CHRM5: variants seen among roughly 807,000 people sequenced by gnomAD.
CHRM5 encodes the protein cholinergic receptor muscarinic 5, also known as muscarinic acetylcholine receptor M5.
A neutral mutation model predicts 39.0 loss-of-function variants in CHRM5; 18 were observed. The ratio of observed to expected loss-of-function variants is 0.46; its 90% CI spans 0.32 to 0.68. CHRM5 has a LOEUF of 0.68. Ranked by LOEUF, CHRM5 falls within the 30% of genes least tolerant of loss-of-function variation. The pLI, the probability that CHRM5 is intolerant of heterozygous loss-of-function variation, is 0.04. For synonymous variants in CHRM5, 241 were observed against 246.3 expected (o/e 0.98, Z 0.20); for missense variants, 515 against 651.1 (o/e 0.79, Z 2.28).
chr15:34,000,347 A>T (rs1054558395), intron 1 of CHRM5, among the ~76,000 whole-genome samples: 10 of 152,224 alleles, frequency 6.6e-5, no homozygotes, highest in Non-Finnish European at 1.2e-4. Context: ...AATAGCTGGA[A>T]CAATGGGTAC....
intron 1 of CHRM5, among the ~76,000 whole-genome samples, chr15:34,002,664 T>C (rs1187428950): frequency 6.6e-6 from 1 of 152,206 alleles, no homozygotes; most frequent in Non-Finnish European, 1.5e-5. Context: ...AGAGAACATA[T>C]ATTCTAGAAA....
At chr15:34,030,193 G>A (rs927817341) in intron 1 of CHRM5, among the ~76,000 whole-genome samples, 1 of 152,090 alleles carries the variant, frequency 6.6e-6, no homozygotes. Context: ...GGCAGAGGTT[G>A]CAGGGAGCTG....
In CHRM5 at chr15:34,014,208, T is replaced by C. The variant is rs1897764222; in HGVS notation, c.-407-32332T>C. Among the ~76,000 whole-genome samples the C allele has an allele frequency of 2.6e-5, 4 of 150,992 alleles. No homozygotes were observed. The South Asian group carries it at 6.3e-4, about 24-fold the overall frequency. ...CAAAACCCCATCTCTACTAAAAATA[T>C]GAAAAATTAGCCAGGCGTGGTGGCA... On this transcript the variant is annotated intron_variant, in intron 1 of 2. Transcript: ENST00000383263.
At chr15:34,008,483 CTTTTTT>C (rs200355232) in intron 1 of CHRM5, among the ~76,000 whole-genome samples, 1 of 119,232 alleles carries the variant, frequency 8.4e-6, no homozygotes, top group African/African-American at 4.4e-5. Context: ...GATGAAAAAC[CTTTTTT>C]TTTTTTTTTT....
intron 1 of CHRM5, among the ~76,000 whole-genome samples, chr15:33,989,879 T>C (rs1350541859): frequency 1.3e-5 from 2 of 150,282 alleles, no homozygotes; most frequent in Admixed American, 6.7e-5. Context: ...CAATAGCAAT[T>C]GAGACGGATA....
At chr15:33,995,107 G>T (rs2140587123) in intron 1 of CHRM5, among the ~76,000 whole-genome samples, 1 of 152,164 alleles carries the variant, frequency 6.6e-6, no homozygotes, top group Middle Eastern at 3.4e-3. Context: ...ACAAAAAAAT[G>T]AAGAAATCAG....
At chr15:34,051,541 A>G (rs564438211) in intron 2 of CHRM5, among the ~76,000 whole-genome samples, 1 of 152,288 alleles carries the variant, frequency 6.6e-6, no homozygotes, top group East Asian at 1.9e-4. Flanking sequence ...TCAAAAATCA[A>G]CAAATCTAGG....
chr15:34,045,100 G>T (rs1292125811), intron 1 of CHRM5, among the ~76,000 whole-genome samples: 1 of 152,100 alleles, frequency 6.6e-6, no homozygotes, highest in Non-Finnish European at 1.5e-5. Flanking sequence ...CTCAGTAACA[G>T]ACCTCTCTGT....
intron 2 of CHRM5, among the ~76,000 whole-genome samples, chr15:34,061,063 T>A (rs566949640): frequency 4.6e-5 from 7 of 151,052 alleles, no homozygotes; most frequent in Non-Finnish European, 7.4e-5. Context: ...CCCATTATCA[T>A]GTCAAGGTGG....
At chr15:34,017,887 C>T (rs1464715137) in intron 1 of CHRM5, among the ~76,000 whole-genome samples, 1 of 152,130 alleles carries the variant, frequency 6.6e-6, no homozygotes, top group Non-Finnish European at 1.5e-5. Context: ...ACAGTGGTCC[C>T]ATAAGGTTAT....
At chr15:34,017,134 GA>G (rs71415543) in intron 1 of CHRM5, among the ~76,000 whole-genome samples, 8 of 130,918 alleles carry the variant, frequency 6.1e-5, no homozygotes, top group Non-Finnish European at 1.3e-4. Flanking sequence ...TCTCAAGGGG[GA>G]AAAAAAAAGG....
intron 1 of CHRM5, among the ~76,000 whole-genome samples, chr15:33,973,672 T>C (rs1895736793): frequency 6.6e-6 from 1 of 152,094 alleles, no homozygotes; most frequent in Non-Finnish European, 1.5e-5. Context: ...CAAGACTCCA[T>C]CTCTATAAAA....
chr15:34,032,382 T>A (rs530397657), intron 1 of CHRM5, among the ~76,000 whole-genome samples: 44 of 152,316 alleles, frequency 2.9e-4, no homozygotes, highest in African/African-American at 1.0e-3. Context: ...TAGTACCTAC[T>A]CTTCCAGAAA....
chr15:34,009,100 C>T (rs1026178332), intron 1 of CHRM5, among the ~76,000 whole-genome samples: 4 of 151,958 alleles, frequency 2.6e-5, no homozygotes, highest in Non-Finnish European at 5.9e-5. Context: ...AATAATATAA[C>T]ATATTCAAAG....
intron 1 of CHRM5, among the ~76,000 whole-genome samples, chr15:34,010,365 C>A (rs525591): frequency 0.63 from 95,342 of 152,060 alleles, 35,082 homozygotes; most frequent in Non-Finnish European, 0.82. Flanking sequence ...AGAATACTTA[C>A]AGATTATCTC....
chr15:34,063,822 C>A lies in CHRM5; in HGVS notation c.1105C>A (p.His369Asn). 1 of 1,614,168 alleles carries A rather than the reference C, an allele frequency of 6.2e-7. No homozygotes were observed. The highest frequency in any genetic ancestry group is 1.1e-5 in the South Asian group (1 of 91,078). Residue 369 changes from histidine (H) to asparagine (N), a missense_variant, in exon 3 of 3, where the codon CAT becomes AAT. Physicochemically the swap from His to Asn is moderately conservative, Grantham distance 68. Coordinates refer to ENST00000383263, the MANE Select transcript of CHRM5 (RefSeq NM_012125.4). This position sits in a 1 kb window ranked among gnomAD's most constrained non-coding sequence, Gnocchi z 4.1. ...CTACCTTCTGTCTCCAGCAGCTGCT[C>A]ATAGACCCAAGAGTCAGAAATGTGT... ...PNYLLSPAAA[H>N]RPKSQKCVAY...
intron 1 of CHRM5, among the ~76,000 whole-genome samples, chr15:34,000,472 C>A (rs1897095384): frequency 6.6e-6 from 1 of 152,186 alleles, no homozygotes; most frequent in Admixed American, 6.5e-5. Flanking sequence ...ACTCTCTCAT[C>A]TTTACCGTGG....
chr15:34,011,698 C>G (rs1340983521), intron 1 of CHRM5, among the ~76,000 whole-genome samples: 2 of 152,144 alleles, frequency 1.3e-5, no homozygotes, highest in African/African-American at 4.8e-5. Flanking sequence ...ACTCATCTCA[C>G]AGGCCTCTCA....
intron 1 of CHRM5, among the ~76,000 whole-genome samples, chr15:34,039,844 C>T (rs916926903): frequency 1.2e-4 from 18 of 152,150 alleles, no homozygotes; most frequent in African/African-American, 4.1e-4. Flanking sequence ...TTAAAAAAAA[C>T]TTGACTAAAG....
Sources: allele counts gnomAD v4.1 joint callset (sites outside exome capture counted in the v4.1 genomes callset), GRCh38; gene constraint gnomAD v4.1.1; non-coding constraint Gnocchi (gnomAD v3.1); transcripts MANE v1.5; gene names NCBI Gene and HGNC (gene_info 2026-07-23, HGNC 2026-07-21).